HS6ST3: variants seen among roughly 807,000 people sequenced by gnomAD.
The protein encoded by HS6ST3 is heparan sulfate 6-O-sulfotransferase 3.
Under a neutral mutation model 36.7 loss-of-function variants are expected in HS6ST3, and 12 were observed. That is an observed-to-expected ratio of 0.33 (90% CI 0.21 to 0.53). The LOEUF (loss-of-function observed/expected upper bound fraction) is 0.53. HS6ST3 is among the 20% of genes least tolerant of loss of function. HS6ST3 has a pLI of 0.95. For missense variants in HS6ST3, 584 were observed against 640.9 expected, an observed-to-expected ratio of 0.91 and a Z score of 0.96; for synonymous variants, 240 against 257.5, an observed-to-expected ratio of 0.93 and a Z score of 0.65.
chr13:96,487,568 A>T (rs528044280), intron 1 of HS6ST3, among the ~76,000 whole-genome samples: 1 of 152,226 alleles, frequency 6.6e-6, no homozygotes, highest in Admixed American at 6.5e-5. Flanking sequence ...CAGGTTCATA[A>T]CTAACTGATG....
intron 1 of HS6ST3, among the ~76,000 whole-genome samples, chr13:96,639,347 T>A (rs2056562012): frequency 6.6e-6 from 1 of 151,986 alleles, no homozygotes; most frequent in Admixed American, 6.6e-5. Context: ...GTATAACCAC[T>A]CAGGTTCTAT....
chr13:96,321,702 C>A (rs191664247), intron 1 of HS6ST3, among the ~76,000 whole-genome samples: 1 of 152,274 alleles, frequency 6.6e-6, no homozygotes, highest in Admixed American at 6.5e-5. Context: ...CCTTGATGTT[C>A]CTGCTCCTCT....
chr13:96,289,700 C>T (rs894375567), intron 1 of HS6ST3, among the ~76,000 whole-genome samples: 1 of 152,132 alleles, frequency 6.6e-6, no homozygotes, highest in Admixed American at 6.6e-5. Flanking sequence ...AAAGAAAACA[C>T]TTTTGGCCAC....
intron 1 of HS6ST3, among the ~76,000 whole-genome samples, chr13:96,515,439 T>G (rs1174747839): frequency 6.6e-6 from 1 of 152,218 alleles, no homozygotes; most frequent in African/African-American, 2.4e-5. Flanking sequence ...TCTGCTTTAT[T>G]CTTTCCTGCA....
At chr13:96,463,818 C>G (rs530850858) in intron 1 of HS6ST3, among the ~76,000 whole-genome samples, 15 of 151,994 alleles carry the variant, frequency 9.9e-5, no homozygotes, top group African/African-American at 3.6e-4. Flanking sequence ...CAACATGTGA[C>G]AAGATGTGAA....
At chr13:96,662,805 G>C (rs2056650986) in intron 1 of HS6ST3, among the ~76,000 whole-genome samples, 1 of 152,038 alleles carries the variant, frequency 6.6e-6, no homozygotes, top group Admixed American at 6.6e-5. Context: ...TTCCTCTTGA[G>C]AGTGTGACTT....
intron 1 of HS6ST3, among the ~76,000 whole-genome samples, chr13:96,317,324 C>T (rs1286825887): frequency 4.3e-5 from 4 of 93,506 alleles, no homozygotes; most frequent in Non-Finnish European, 7.9e-5. Flanking sequence ...TGTAGTATTC[C>T]ATTATATATA....
At chr13:96,101,522 A>G (rs2053818357) in intron 1 of HS6ST3, among the ~76,000 whole-genome samples, 1 of 152,038 alleles carries the variant, frequency 6.6e-6, no homozygotes, top group African/African-American at 2.4e-5. Context: ...AGCTTCTAAT[A>G]CTAGATACTA....
intron 1 of HS6ST3, among the ~76,000 whole-genome samples, chr13:96,202,980 T>G (rs1394347621): frequency 1.3e-5 from 2 of 152,210 alleles, no homozygotes; most frequent in Middle Eastern, 3.2e-3. Context: ...TCCCATTCTT[T>G]CAGTTCTTCA....
chr13:96,636,465 T>C (rs2056550207), intron 1 of HS6ST3, among the ~76,000 whole-genome samples: 4 of 152,142 alleles, frequency 2.6e-5, no homozygotes, highest in Admixed American at 2.6e-4. Context: ...AGTTTGGCCA[T>C]GGCTGTAGCT....
intron 1 of HS6ST3, among the ~76,000 whole-genome samples, chr13:96,112,665 G>C (rs1594680407): frequency 7.1e-6 from 1 of 140,512 alleles, no homozygotes; most frequent in Non-Finnish European, 1.5e-5. Flanking sequence ...CTACTCCGGA[G>C]GCTGAGGCAG....
At chr13:96,506,407 T>G (rs558959628) in intron 1 of HS6ST3, among the ~76,000 whole-genome samples, 1 of 152,290 alleles carries the variant, frequency 6.6e-6, no homozygotes, top group African/African-American at 2.4e-5. Context: ...TTTCCTGATT[T>G]TAAAATGGGA....
At chr13:96,495,126 T>C (rs1362089869) in intron 1 of HS6ST3, among the ~76,000 whole-genome samples, 2 of 152,206 alleles carry the variant, frequency 1.3e-5, no homozygotes, top group Admixed American at 1.3e-4. Context: ...AGAATCACTC[T>C]GAGGAAGGTT....
At chr13:96,309,925 G>A (rs2054932003) in intron 1 of HS6ST3, among the ~76,000 whole-genome samples, 1 of 151,896 alleles carries the variant, frequency 6.6e-6, no homozygotes, top group African/African-American at 2.4e-5. Flanking sequence ...TAAAACTTAG[G>A]TATAGTGGAT....
intron 1 of HS6ST3, among the ~76,000 whole-genome samples, chr13:96,455,815 ACAGTTT>A (rs1303369372): frequency 7.2e-5 from 11 of 152,192 alleles, no homozygotes; most frequent in Admixed American, 7.2e-4. Flanking sequence ...AGACTTTACA[ACAGTTT>A]CAAACTCTTT....
chr13:96,419,915 ACT>A (rs1353156453), intron 1 of HS6ST3, among the ~76,000 whole-genome samples: 3 of 152,022 alleles, frequency 2.0e-5, no homozygotes, highest in African/African-American at 7.2e-5. Context: ...ACCTGCAAAG[ACT>A]CTATTTCCAA....
intron 1 of HS6ST3, among the ~76,000 whole-genome samples, chr13:96,331,474 C>A (rs1193453908): frequency 6.6e-6 from 1 of 152,210 alleles, no homozygotes. Context: ...CGGGGGGATG[C>A]CTCCCAGTTA....
intron 1 of HS6ST3, among the ~76,000 whole-genome samples, chr13:96,766,306 A>ATCT (rs1237667139): frequency 1.3e-5 from 2 of 152,202 alleles, no homozygotes; most frequent in Non-Finnish European, 2.9e-5. Context: ...CATCTTAAAA[A>ATCT]GGGAAATTTT....
chr13:96,422,907 TG>T (rs1313699524), intron 1 of HS6ST3, among the ~76,000 whole-genome samples: 1 of 152,262 alleles, frequency 6.6e-6, no homozygotes, highest in Non-Finnish European at 1.5e-5. Context: ...ACTTAGCTTA[TG>T]TAATACTATC....
Sources: allele counts gnomAD v4.1 joint callset (sites outside exome capture counted in the v4.1 genomes callset), GRCh38; gene constraint gnomAD v4.1.1; transcripts MANE v1.5; gene names NCBI Gene and HGNC (gene_info 2026-07-23, HGNC 2026-07-21).